PRDM5: variants seen among roughly 807,000 people sequenced by gnomAD.
The protein encoded by PRDM5 is PR domain zinc finger protein 5.
Under a neutral mutation model 81.2 loss-of-function variants are expected in PRDM5, and 56 were observed. That is an observed-to-expected ratio of 0.69 (90% CI 0.56 to 0.86). The LOEUF is 0.86. PRDM5 is among the 40% of genes least tolerant of loss of function. The pLI is 0.00. For missense variants in PRDM5, 697 were observed against 770.1 expected (o/e 0.91, Z 1.12); for synonymous variants, 267 against 256.4 (o/e 1.04, Z -0.39).
intron 3 of PRDM5, chr4:120,839,017 C>G: frequency 1.8e-6 from 1 of 556,346 alleles, no homozygotes; most frequent in South Asian, 2.4e-5. Flanking sequence ...CTGGGACAGG[C>G]ACACCGCAAG....
chr4:120,796,779 TA>T (rs1751406327), intron 10 of PRDM5, among the ~76,000 whole-genome samples: 1 of 152,168 alleles, frequency 6.6e-6, no homozygotes, highest in Admixed American at 6.6e-5. Flanking sequence ...TCATAATTTT[TA>T]AATGATTTCA....
At chr4:120,723,709 C>T (rs377284775) in intron 14 of PRDM5, among the ~76,000 whole-genome samples, 4 of 151,744 alleles carry the variant, frequency 2.6e-5, no homozygotes, top group African/African-American at 9.7e-5. Flanking sequence ...ACACTTATGC[C>T]GACTGATATA....
chr4:120,839,206 G>A (rs1326698973), intron 3 of PRDM5: 1 of 702,298 alleles, frequency 1.4e-6, no homozygotes, highest in South Asian at 1.5e-5. Context: ...CAAGCAAGGA[G>A]CAGGTCTCAG....
At chr4:120,895,890 C>T (rs1215668210) in intron 2 of PRDM5, among the ~76,000 whole-genome samples, 2 of 152,176 alleles carry the variant, frequency 1.3e-5, no homozygotes, top group East Asian at 3.9e-4. Context: ...AATCTCTTCC[C>T]TGAGTCCCAT....
chr4:120,873,372 G>C (rs1762031270), intron 2 of PRDM5, among the ~76,000 whole-genome samples: 1 of 152,112 alleles, frequency 6.6e-6, no homozygotes, highest in South Asian at 2.1e-4. Flanking sequence ...CAGACAGTGG[G>C]CTCAAGATAT....
intron 3 of PRDM5, among the ~76,000 whole-genome samples, chr4:120,847,954 T>C (rs1457356599): frequency 6.6e-6 from 1 of 152,178 alleles, no homozygotes; most frequent in Admixed American, 6.5e-5. Context: ...AATTAAAACT[T>C]TCCTCTACAC....
In PRDM5 at chr4:120,781,610, T is replaced by C. The variant is rs368208539; in HGVS notation, c.1283-307A>G. 7.7e-4 allele frequency among the ~76,000 whole-genome samples: 118 copies of C among 152,292 alleles called. 2 individuals are homozygous for C. Among genetic ancestry groups the C allele is most frequent in the African/African-American group, 2.8e-3 (115 of 41,580 alleles). On this transcript the variant is annotated intron_variant, in intron 11 of 15. Transcript: ENST00000264808. The stretch of plus-strand genomic sequence containing the variant: ...GTACTTCTACAGCGGGGGCTGGGAT[T>C]TGAGGTAAATAGACTCCAGTGACAC...
intron 7 of PRDM5, among the ~76,000 whole-genome samples, chr4:120,814,219 C>T (rs1300013611): frequency 1.3e-5 from 2 of 152,122 alleles, no homozygotes; most frequent in African/African-American, 4.8e-5. Flanking sequence ...ACTCTGTTCC[C>T]TCTTAAGTAA....
chr4:120,884,528 A>G (rs1225862962), intron 2 of PRDM5, among the ~76,000 whole-genome samples: 1 of 152,234 alleles, frequency 6.6e-6, no homozygotes, highest in African/African-American at 2.4e-5. Context: ...AATGAAAGAT[A>G]CAAATATTGG....
At chr4:120,727,349 C>G (rs1212015188) in intron 14 of PRDM5, among the ~76,000 whole-genome samples, 2 of 151,870 alleles carry the variant, frequency 1.3e-5, no homozygotes, top group African/African-American at 4.8e-5. Flanking sequence ...AGATATGATT[C>G]ATAAGGTAAT....
intron 2 of PRDM5, chr4:120,897,133 C>G (rs189884117): frequency 1.3e-5 from 2 of 152,014 alleles, no homozygotes; most frequent in Non-Finnish European, 2.9e-5. Context: ...TAAACTAAAG[C>G]TAATTCTTTG....
chr4:120,802,985 G>C (rs1343761109), intron 8 of PRDM5, among the ~76,000 whole-genome samples: 1 of 152,144 alleles, frequency 6.6e-6, no homozygotes, highest in Admixed American at 6.5e-5. Context: ...TGGCTAACTA[G>C]AATAAGCAGT....
intron 10 of PRDM5, among the ~76,000 whole-genome samples, chr4:120,785,904 A>C (rs906116597): frequency 6.6e-6 from 1 of 152,162 alleles, no homozygotes; most frequent in Non-Finnish European, 1.5e-5. Flanking sequence ...ATTCAAAAAC[A>C]AAACCAAAAC....
At chr4:120,811,512 T>C (rs538574001) in intron 7 of PRDM5, 63 bp from the exon 8 acceptor site, 22 of 1,012,734 alleles carry the variant, frequency 2.2e-5, no homozygotes, top group Middle Eastern at 2.3e-4. Context: ...AAACAAATAG[T>C]GTTTCGAGGT....
intron 13 of PRDM5, among the ~76,000 whole-genome samples, chr4:120,761,405 A>T (rs551010531): frequency 6.6e-6 from 1 of 152,338 alleles, no homozygotes; most frequent in Admixed American, 6.5e-5. Context: ...ATAGGAAAAA[A>T]ATCAAATCCT....
At chr4:120,799,471 G>C (rs1245780680) in intron 9 of PRDM5, among the ~76,000 whole-genome samples, 190 bp downstream of exon 9, 1 of 152,080 alleles carries the variant, frequency 6.6e-6, no homozygotes, top group South Asian at 2.1e-4. Context: ...TTTACTCTAA[G>C]CACCTTTGCT....
chr4:120,859,867 A>G (rs2148493401), intron 2 of PRDM5, among the ~76,000 whole-genome samples: 1 of 152,186 alleles, frequency 6.6e-6, no homozygotes, highest in South Asian at 2.1e-4. Context: ...TCCTTTTTGG[A>G]CATGATTTTC....
At chr4:120,705,105 G>T (rs1735921368) in intron 15 of PRDM5, among the ~76,000 whole-genome samples, 1 of 152,188 alleles carries the variant, frequency 6.6e-6, no homozygotes, top group African/African-American at 2.4e-5. Flanking sequence ...AAGCAAGAGA[G>T]TATGAAACTG....
chr4:120,743,200 A>T (rs1197637341), intron 14 of PRDM5, among the ~76,000 whole-genome samples: 1 of 151,612 alleles, frequency 6.6e-6, no homozygotes, highest in Non-Finnish European at 1.5e-5. Flanking sequence ...GTGAAGGAGA[A>T]ATAAAATACT....
Sources: allele counts gnomAD v4.1 joint callset (sites outside exome capture counted in the v4.1 genomes callset), GRCh38; gene constraint gnomAD v4.1.1; transcripts MANE v1.5; gene names NCBI Gene and HGNC (gene_info 2026-07-23, HGNC 2026-07-21).